Variants in ZNF732 observed in about 807,000 individuals in gnomAD.
ZNF732 encodes the protein zinc finger protein LOC654254.
Under a neutral mutation model 11.5 loss-of-function variants are expected in ZNF732, and 12 were observed. The ratio of observed to expected loss-of-function variants is 1.05; its 90% CI spans 0.67 to 1.70. The LOEUF (loss-of-function observed/expected upper bound fraction) is 1.70. ZNF732 is among the 40% of genes most tolerant of loss of function. The pLI, the probability that ZNF732 is intolerant of heterozygous loss-of-function variation, is 0.00. For synonymous variants in ZNF732, 231 were observed against 236.5 expected, an observed-to-expected ratio of 0.98 and a Z score of 0.21; for missense variants, 702 against 676.9, an observed-to-expected ratio of 1.04 and a Z score of -0.41.
Position 295,193 on chromosome 4 carries a change from C to T in ZNF732, c.226+245G>A, listed in dbSNP as rs79723991. ...GTCAGATCATGCAGCCCCTAATAAACGATAAAGTGGACATTGGCTCTCCCT... is the reference window on the plus strand; with the variant it reads ...GTCAGATCATGCAGCCCCTAATAAATGATAAAGTGGACATTGGCTCTCCCT... On this transcript the variant is annotated intron_variant, in intron 3 of 3. Transcript: ENST00000419098. 1.0e-3 allele frequency among the ~76,000 whole-genome samples: 156 copies of T among 152,230 alleles called. 1 individual carries two copies. The highest frequency in any genetic ancestry group is 3.4e-3 in the Middle Eastern group (1 of 294).
chr4:293,506 G>GA (rs1357868858), intron 3 of ZNF732, among the ~76,000 whole-genome samples: 10 of 151,966 alleles, frequency 6.6e-5, no homozygotes, highest in Admixed American at 2.6e-4. Flanking sequence ...GCAGAAAGTA[G>GA]AATGGTGGTT....
At chr4:283,331 G>A (rs1230358210) in intron 3 of ZNF732, among the ~76,000 whole-genome samples, 2 of 152,094 alleles carry the variant, frequency 1.3e-5, no homozygotes, top group East Asian at 3.9e-4. Context: ...CTCGCGAAAT[G>A]TCTGAATAGA....
chr4:279,506 A>G (rs1719574472), intron 3 of ZNF732, among the ~76,000 whole-genome samples: 1 of 152,144 alleles, frequency 6.6e-6, no homozygotes, highest in Non-Finnish European at 1.5e-5. Flanking sequence ...GAATATAAAA[A>G]TCAGTCAAAA....
chr4:299,343 G>GTATATATACACATATGTGTATA (rs1581548440), intron 1 of ZNF732, among the ~76,000 whole-genome samples: 39 of 122,240 alleles, frequency 3.2e-4, no homozygotes, highest in Admixed American at 1.9e-3. Context: ...GCAGTTATGA[G>GTATATATACACATATGTGTATA]TATATATACA....
At chr4:273,287 G>A (rs2883231) in intron 3 of ZNF732, among the ~76,000 whole-genome samples, 2,211 of 152,094 alleles carry the variant, frequency 0.015, 63 homozygotes, top group African/African-American at 0.051. Flanking sequence ...ACTATAATCC[G>A]TATCAAAGAC....
At chr4:286,295 T>TA (rs1414397114) in intron 3 of ZNF732, among the ~76,000 whole-genome samples, 1 of 152,202 alleles carries the variant, frequency 6.6e-6, no homozygotes, top group Non-Finnish European at 1.5e-5. Context: ...AACTAGATTT[T>TA]AAAAAGACAA....
In ZNF732 at chr4:299,491, G is replaced by A. The variant is rs556833937; in HGVS notation, c.4-3336C>T. Among the ~76,000 whole-genome samples the A allele has an allele frequency of 5.7e-5, 5 of 88,182 alleles. 1 individual carries two copies. The highest frequency in any genetic ancestry group is 1.8e-4 in the African/African-American group (4 of 21,974). 57.9% of individuals were successfully genotyped at this position (88,182 alleles called of 152,430 possible). ...TATATATACACATATATACACATAT[G>A]TGTGTATATATACACACATATACGT... On this transcript the variant is annotated intron_variant, in intron 1 of 3. Coordinates refer to ENST00000419098, the MANE Select transcript of ZNF732 (RefSeq NM_001137608.3).
At chr4:285,185 G>A (rs913624383) in intron 3 of ZNF732, among the ~76,000 whole-genome samples, 2 of 150,684 alleles carry the variant, frequency 1.3e-5, no homozygotes, top group Admixed American at 1.3e-4. Context: ...GTTTGTGAGG[G>A]AAAAAAAAAT....
intron 3 of ZNF732, among the ~76,000 whole-genome samples, chr4:279,455 A>AAG (rs1553839367): frequency 1.3e-4 from 20 of 151,998 alleles, no homozygotes; most frequent in Non-Finnish European, 2.6e-4. Context: ...CAAAAAAAAA[A>AAG]AACAACAACC....
intron 3 of ZNF732, among the ~76,000 whole-genome samples, chr4:279,111 ATTATG>A: frequency 6.6e-6 from 1 of 151,976 alleles, no homozygotes; most frequent in South Asian, 2.1e-4. Context: ...GCCTGAGAAC[ATTATG>A]TTAAGTAAAC....
intron 1 of ZNF732, among the ~76,000 whole-genome samples, chr4:300,330 G>A (rs1720088395): frequency 6.6e-6 from 1 of 151,404 alleles, no homozygotes; most frequent in South Asian, 2.1e-4. Flanking sequence ...AGGCATGGTG[G>A]TGGGTGCCTG....
chr4:305,188 G>T, intron 1 of ZNF732, 120 bp downstream of exon 1: 1 of 1,380,974 alleles, frequency 7.2e-7, no homozygotes, highest in Non-Finnish European at 9.7e-7. Flanking sequence ...AGGGACCAAG[G>T]ACTGAGGGCT....
At chr4:305,161 C>T in intron 1 of ZNF732, 147 bp downstream of exon 1, 1 of 1,120,480 alleles carries the variant, frequency 8.9e-7, no homozygotes, top group Non-Finnish European at 1.2e-6. Context: ...CGACATGAAC[C>T]CGGGTCCCTC....
chr4:282,561 C>T (rs1238444001), intron 3 of ZNF732, among the ~76,000 whole-genome samples: 1 of 152,002 alleles, frequency 6.6e-6, no homozygotes, highest in Admixed American at 6.6e-5. Context: ...ATTAGCTGGA[C>T]ATGGTGGCAT....
chr4:286,206 A>G (rs1421097958), intron 3 of ZNF732, among the ~76,000 whole-genome samples: 1 of 152,238 alleles, frequency 6.6e-6, no homozygotes, highest in African/African-American at 2.4e-5. Context: ...AAGAATTGTC[A>G]AAAAGAGAAA....
intron 3 of ZNF732, among the ~76,000 whole-genome samples, chr4:272,912 C>G (rs1383426930): frequency 6.6e-6 from 1 of 152,100 alleles, no homozygotes; most frequent in Non-Finnish European, 1.5e-5. Flanking sequence ...AACCACAGTT[C>G]TTCCTCCTCC....
intron 3 of ZNF732, among the ~76,000 whole-genome samples, chr4:291,337 CT>C (rs1490062108): frequency 2.0e-5 from 3 of 152,160 alleles, no homozygotes; most frequent in Non-Finnish European, 4.4e-5. Context: ...ATGCCTTGGC[CT>C]CTGAAAGTGC....
chr4:295,480 G>A lies in ZNF732; in HGVS notation c.184C>T (p.Pro62Ser). 1 of 1,612,292 alleles carries A rather than the reference G, an allele frequency of 6.2e-7. No individual in the cohort carries two copies. Among genetic ancestry groups the A allele is most frequent in the African/African-American group, 1.3e-5 (1 of 74,964 alleles). ...GTCTCATGTATCTTCACTTTGTAGG[G>A]CTCCTTTCTTTGCTCCAGATAGATG... ...LVIYLEQRKE[P>S]YKVKIHETVA... Residue 62 changes from proline to serine, a missense_variant, in exon 3 of 4, where the codon CCC (proline) becomes TCC (serine). By Grantham distance (74) the Pro-to-Ser change is moderately conservative (BLOSUM62 -1). Coordinates refer to ENST00000419098, the MANE Select transcript of ZNF732 (RefSeq NM_001137608.3).
rs1719945306 is a variant in ZNF732 at position 296,073 on chromosome 4, T to C, written c.86A>G (p.Tyr29Cys). 2.0e-5 allele frequency: 32 copies of C among 1,613,990 alleles called. No individual in the cohort carries two copies. Among genetic ancestry groups the C allele is most frequent in the East Asian group, 4.5e-5 (2 of 44,866 alleles). ...KCLDPAQQNL[Y>C]RDVMLENYRN... Reference sequence around the variant, plus strand: ...GTAGTTCTCCAACATCACATCTCTATACAAATTCTGCTGGGCAGGGTCCAG... The same window carrying C: ...GTAGTTCTCCAACATCACATCTCTACACAAATTCTGCTGGGCAGGGTCCAG... The change falls in exon 2 of 4, where the codon TAT becomes TGT. Residue 29 changes from tyrosine to cysteine, a missense_variant. Physicochemically the swap from Tyr to Cys is radical, Grantham distance 194. Around this residue, in one of 3 missense-constraint regions of ZNF732, gnomAD observed 596 missense variants for 557.9 expected, o/e 1.07. Coordinates refer to ENST00000419098, the MANE Select transcript of ZNF732 (RefSeq NM_001137608.3).
Sources: gnomAD v4.1 joint callset for allele counts (sites outside exome capture counted in the v4.1 genomes callset) on GRCh38, gnomAD v4.1.1 for gene constraint, gnomAD v4.1.1 regional missense constraint, MANE v1.5 for transcripts, NCBI Gene and HGNC (gene_info 2026-07-23, HGNC 2026-07-21) for gene names.